The following CDH18 variants were observed in gnomAD, a reference collection of about 807,000 sequenced individuals.
CDH18 encodes cadherin 18.
A neutral mutation model predicts 67.9 loss-of-function variants in CDH18; 31 were observed. The observed-to-expected ratio is 0.46, with a 90% CI of 0.34 to 0.62. The LOEUF (loss-of-function observed/expected upper bound fraction) is 0.62. CDH18 is among the 20% of genes least tolerant of loss of function. CDH18 has a pLI of 0.01. For missense variants in CDH18, 890 were observed against 975.5 expected, an observed-to-expected ratio of 0.91 and a Z score of 1.17; for synonymous variants, 362 against 347.2, an observed-to-expected ratio of 1.04 and a Z score of -0.48.
At chr5:20,304,047 A>G (rs1037177285) in intron 1 of CDH18, 10 of 1,578,048 alleles carry the variant, frequency 6.3e-6, no homozygotes, top group Non-Finnish European at 7.8e-6. Flanking sequence ...TCGCGTGTTC[A>G]GGCATCCTTT....
At chr5:20,084,983 G>A (rs777632351) in intron 2 of CDH18, among the ~76,000 whole-genome samples, 3 of 152,166 alleles carry the variant, frequency 2.0e-5, no homozygotes, top group Non-Finnish European at 4.4e-5. Context: ...GGGGATTAAT[G>A]TTTGTCTCCT....
intron 1 of CDH18, among the ~76,000 whole-genome samples, chr5:20,296,452 G>A (rs1747539134): frequency 6.6e-6 from 1 of 151,532 alleles, no homozygotes; most frequent in Middle Eastern, 3.4e-3. Context: ...TAGTAGAGAC[G>A]GGGTTTCACC....
At chr5:19,831,133 G>A (rs1000185451) in intron 3 of CDH18, among the ~76,000 whole-genome samples, 2 of 152,026 alleles carry the variant, frequency 1.3e-5, no homozygotes, top group African/African-American at 4.8e-5. Context: ...ATAAACCCAT[G>A]TGACACACAA....
chr5:20,490,127 C>T lies in CDH18; in HGVS notation c.-580+85335G>A, dbSNP rs1055195046. The stretch of plus-strand genomic sequence containing the variant: ...TAATTAATAAATAATCATTGCTACT[C>T]GCTAAAGAATGATAGACCAATGGCA... On this transcript the variant is annotated intron_variant, in intron 1 of 14. Transcript: ENST00000507958. Among the ~76,000 whole-genome samples, 113 of 151,508 alleles carry T rather than the reference C, an allele frequency of 7.5e-4. 1 individual carries two copies. The highest frequency in any genetic ancestry group is 2.5e-3 in the African/African-American group (104 of 41,424).
At chr5:20,286,834 G>C (rs1316019236) in intron 1 of CDH18, among the ~76,000 whole-genome samples, 1 of 151,778 alleles carries the variant, frequency 6.6e-6, no homozygotes, top group Non-Finnish European at 1.5e-5. Flanking sequence ...AACAGATACT[G>C]CAAGAGCTTT....
rs41329646 is a variant in CDH18 at position 20,451,335 on chromosome 5, T to C, written c.-580+124127A>G. Among the ~76,000 whole-genome samples, 633 of 152,248 alleles carry C rather than the reference T, an allele frequency of 4.2e-3. 3 individuals are homozygous for C. The highest frequency in any genetic ancestry group is 0.014 in the African/African-American group (574 of 41,556). On this transcript the variant is annotated intron_variant, in intron 1 of 14. Transcript: ENST00000507958. ...TTGCTAAGAGTTTTTATTTCTAAGT[T>C]ATGTCCAGTCAAAACAGCTTAAGAA...
chr5:19,492,304 T>C (rs1053900265), intron 11 of CDH18, among the ~76,000 whole-genome samples: 1 of 152,128 alleles, frequency 6.6e-6, no homozygotes, highest in African/African-American at 2.4e-5. Context: ...TGAAACAGAA[T>C]GGATTTATCT....
chr5:20,226,969 C>T (rs1741683236), intron 2 of CDH18, among the ~76,000 whole-genome samples: 1 of 152,026 alleles, frequency 6.6e-6, no homozygotes, highest in Non-Finnish European at 1.5e-5. Flanking sequence ...CTGTTCCTCC[C>T]ATTGTGAATG....
At chr5:20,416,874 A>G (rs942221192) in intron 1 of CDH18, among the ~76,000 whole-genome samples, 4 of 152,118 alleles carry the variant, frequency 2.6e-5, no homozygotes, top group Admixed American at 6.5e-5. Flanking sequence ...AAAGAGCCAG[A>G]TTATTTAGCT....
intron 1 of CDH18, among the ~76,000 whole-genome samples, chr5:20,370,657 C>T (rs1448241438): frequency 6.6e-6 from 1 of 152,094 alleles, no homozygotes; most frequent in Non-Finnish European, 1.5e-5. Flanking sequence ...GAATGCCATA[C>T]TTAGATATTT....
intron 2 of CDH18, among the ~76,000 whole-genome samples, chr5:20,060,507 T>A (rs1193969114): frequency 6.6e-6 from 1 of 152,106 alleles, no homozygotes; most frequent in East Asian, 1.9e-4. Flanking sequence ...CAGATTGGTA[T>A]CTTTAAATAA....
intron 1 of CDH18, among the ~76,000 whole-genome samples, chr5:20,570,669 C>CA (rs1758765001): frequency 6.6e-6 from 1 of 152,144 alleles, no homozygotes; most frequent in Admixed American, 6.5e-5. Flanking sequence ...AGAGTGACTG[C>CA]AGTTTAGTAA....
intron 8 of CDH18, among the ~76,000 whole-genome samples, chr5:19,563,163 TTTTG>T (rs1320926667): frequency 6.6e-6 from 1 of 152,156 alleles, no homozygotes; most frequent in Non-Finnish European, 1.5e-5. Flanking sequence ...AATGTAGTCA[TTTTG>T]TTTGTTTGTT....
chr5:20,180,380 T>G (rs1737588830), intron 2 of CDH18, among the ~76,000 whole-genome samples: 1 of 152,156 alleles, frequency 6.6e-6, no homozygotes, highest in Non-Finnish European at 1.5e-5. Flanking sequence ...CTTCATGTAC[T>G]GTTTCTATGG....
intron 1 of CDH18, among the ~76,000 whole-genome samples, chr5:20,516,190 A>G (rs1217690764): frequency 6.6e-6 from 1 of 151,936 alleles, no homozygotes; most frequent in African/African-American, 2.4e-5. Context: ...TTCCTTTTGT[A>G]AAATATTAAG....
chr5:20,156,524 TG>T (rs1259645695), intron 2 of CDH18, among the ~76,000 whole-genome samples: 1 of 150,186 alleles, frequency 6.7e-6, no homozygotes, highest in African/African-American at 2.5e-5. Context: ...GCTAAACAAT[TG>T]GATACACATG....
At position 20,377,197 on chromosome 5, in the gene CDH18, T is replaced by A. The variant is rs1743524120; in HGVS notation, c.-579-121692A>T. 1.3e-5 allele frequency among the ~76,000 whole-genome samples: 2 copies of A among 152,200 alleles called. 1 individual carries two copies. On this transcript the variant is annotated intron_variant, in intron 1 of 14. Transcript: ENST00000507958. ...GTCTGCCAATAGAATTTTGATGGTGTACTGAATAACAATAACTCAGAATTA... is the reference window on the plus strand; with the variant it reads ...GTCTGCCAATAGAATTTTGATGGTGAACTGAATAACAATAACTCAGAATTA...
chr5:20,027,857 A>C (rs2150445468), intron 2 of CDH18, among the ~76,000 whole-genome samples: 1 of 152,354 alleles, frequency 6.6e-6, no homozygotes, highest in South Asian at 2.1e-4. Flanking sequence ...AAATTAATGT[A>C]ATTGAACTCT....
chr5:20,566,643 G>A (rs554323056), intron 1 of CDH18, among the ~76,000 whole-genome samples: 21 of 150,372 alleles, frequency 1.4e-4, no homozygotes, highest in Non-Finnish European at 2.9e-4. Context: ...CCAAAGTGCT[G>A]GGATTACAAG....
Sources: gnomAD v4.1 joint callset for allele counts (sites outside exome capture counted in the v4.1 genomes callset) on GRCh38, gnomAD v4.1.1 for gene constraint, MANE v1.5 for transcripts, NCBI Gene and HGNC (gene_info 2026-07-23, HGNC 2026-07-21) for gene names.